The following KBTBD11 variants were observed in gnomAD, a reference collection of about 807,000 sequenced individuals.
The protein encoded by KBTBD11 is kelch repeat and BTB domain containing 11.
For missense variants in KBTBD11, 1,390 were observed against 1,001.8 expected (o/e 1.39, Z -5.23); for synonymous variants, 747 against 499.0 (o/e 1.50, Z -6.63).
intron 1 of KBTBD11, among the ~76,000 whole-genome samples, chr8:1,997,892 C>T (rs552607252): frequency 1.3e-5 from 2 of 152,306 alleles, no homozygotes; most frequent in South Asian, 4.1e-4. Flanking sequence ...TACGATAGGG[C>T]CACCACCTCT....
At chr8:1,983,488 G>C (rs1290108155) in intron 1 of KBTBD11, among the ~76,000 whole-genome samples, 2 of 152,162 alleles carry the variant, frequency 1.3e-5, no homozygotes, top group Non-Finnish European at 2.9e-5. Flanking sequence ...CATCCGTCGG[G>C]TTATCTTGTA....
intron 1 of KBTBD11, among the ~76,000 whole-genome samples, chr8:1,980,685 C>A (rs2129309061): frequency 6.6e-6 from 1 of 152,360 alleles, no homozygotes; most frequent in Non-Finnish European, 1.5e-5. Flanking sequence ...CTTGTCCCTG[C>A]CCTGGAGCCT....
At chr8:1,979,147 G>A (rs944824570) in intron 1 of KBTBD11, among the ~76,000 whole-genome samples, 3 of 152,226 alleles carry the variant, frequency 2.0e-5, no homozygotes, top group African/African-American at 7.2e-5. Flanking sequence ...TGGTGGTGGG[G>A]CAAGTCTGAG....
chr8:2,001,489 C>T lies in KBTBD11; in HGVS notation c.297C>T (p.Cys99=). ...TCGCGTCCCCTGAGGAGCGCGCGTG[C>T]CCGGAAGAGCCCGCGGCGCCGTCCC... ...EELASPEERA[C]PEEPAAPSPE... is the part of the protein sequence containing the mutation. Residue 99 remains cysteine (C), a synonymous_variant, in exon 2 of 2, where the codon TGC becomes TGT. Transcript: ENST00000320248. 1 of 1,383,054 alleles carries T rather than the reference C, an allele frequency of 7.2e-7. No homozygotes were observed. Among genetic ancestry groups the T allele is most frequent in the Non-Finnish European group, 9.3e-7 (1 of 1,075,246 alleles). 85.7% of individuals were successfully genotyped at this position (1,383,054 alleles called of 1,614,324 possible).
chr8:2,001,607 G>C lies in KBTBD11; in HGVS notation c.415G>C (p.Glu139Gln), dbSNP rs1817362531. 1.4e-6 allele frequency: 2 copies of C among 1,476,724 alleles called. No individual in the cohort carries two copies. Among genetic ancestry groups the C allele is most frequent in the Non-Finnish European group, 1.8e-6 (2 of 1,119,344 alleles). The allele number at this position is 1,476,724 out of a possible 1,614,324, so 91.5% of individuals were successfully genotyped here. ...CCCGGGGTTCGGGGCGGTGTACGGG[G>C]AGCCGGACCTGGTGCTGGAGGTGTC... ...VPPGFGAVYGEPDLVLEVSGR... is the reference protein window; with the variant it reads ...VPPGFGAVYGQPDLVLEVSGR... The change falls in exon 2 of 2, where the codon GAG (glutamate) becomes CAG (glutamine). Residue 139 changes from glutamate (E) to glutamine (Q), a missense_variant. By Grantham distance (29) the Glu-to-Gln change is conservative. Transcript: ENST00000320248.
intron 1 of KBTBD11, among the ~76,000 whole-genome samples, chr8:1,987,795 C>A (rs1306962041): frequency 2.6e-5 from 4 of 151,912 alleles, no homozygotes; most frequent in Non-Finnish European, 4.4e-5. Flanking sequence ...AGGTTGGTTA[C>A]ATATATATAC....
chr8:1,985,755 T>G (rs1369828666), intron 1 of KBTBD11, among the ~76,000 whole-genome samples: 2 of 152,236 alleles, frequency 1.3e-5, no homozygotes, highest in Admixed American at 6.5e-5. Flanking sequence ...ATTGCACCCC[T>G]GCAACCCAGC....
rs192705034 is a variant in KBTBD11 at position 2,003,484 on chromosome 8, A to G, written c.*420A>G. On this transcript the variant is annotated 3_prime_UTR_variant, in exon 2 of 2. Transcript: ENST00000320248. ...GCGAACTATCGGGGGAAGCACGCAG[A>G]GAGGGTCACGCCTTTTATTTTTGGC... 384 of 183,078 alleles carry G rather than the reference A, an allele frequency of 2.1e-3. 3 individuals are homozygous for G. The highest frequency in any genetic ancestry group is 8.8e-3 in the African/African-American group (372 of 42,222). 11.3% of individuals were successfully genotyped at this position (183,078 alleles called of 1,614,324 possible). A position where few individuals can be genotyped will look rare whatever the true frequency, so the allele number is the denominator to read the frequency against.
intron 1 of KBTBD11, among the ~76,000 whole-genome samples, chr8:1,980,034 T>G (rs1816487059): frequency 6.6e-6 from 1 of 152,222 alleles, no homozygotes; most frequent in Non-Finnish European, 1.5e-5. Flanking sequence ...GCTGGCAGTA[T>G]TTCATCTGTA....
At chr8:1,992,007 C>G (rs938426901) in intron 1 of KBTBD11, among the ~76,000 whole-genome samples, 1 of 152,098 alleles carries the variant, frequency 6.6e-6, no homozygotes, top group Admixed American at 6.5e-5. Context: ...GGGAGGTCAT[C>G]TACCCAAGGG....
At chr8:1,998,845 C>T (rs984147100) in intron 1 of KBTBD11, among the ~76,000 whole-genome samples, 1 of 152,220 alleles carries the variant, frequency 6.6e-6, no homozygotes, top group Non-Finnish European at 1.5e-5. Context: ...TGCCCTTCAC[C>T]GATGCAGCTT....
chr8:1,982,300 A>T (rs991710760), intron 1 of KBTBD11, among the ~76,000 whole-genome samples: 1 of 152,232 alleles, frequency 6.6e-6, no homozygotes, highest in African/African-American at 2.4e-5. Flanking sequence ...CACAAGAGAA[A>T]GTCTAATCAT....
intron 1 of KBTBD11, among the ~76,000 whole-genome samples, chr8:1,978,010 T>G (rs950702086): frequency 2.6e-5 from 4 of 152,222 alleles, no homozygotes; most frequent in African/African-American, 7.2e-5. Context: ...TTATTTATAT[T>G]TTAAGTTGCA....
At position 2,002,263 on chromosome 8, in the gene KBTBD11, C is replaced by G. The variant is rs919767776; in HGVS notation, c.1071C>G (p.Leu357=). The G allele has an allele frequency of 2.1e-5, 28 of 1,316,750 alleles. No homozygotes were observed. In the Admixed American group the frequency reaches 3.9e-4, roughly 18 times the overall value. The allele number at this position is 1,316,750 out of a possible 1,614,324, so 81.6% of individuals were successfully genotyped here. A position where few individuals can be genotyped will look rare whatever the true frequency, so the allele number is the denominator to read the frequency against. ...APARGCGLCV[L]YNYLFVAGGV... is the part of the protein sequence containing the mutation. Reference sequence around the variant, plus strand: ...CGCGGGGCTGCGGCCTGTGCGTCCTCTACAACTACCTCTTCGTGGCGGGCG... The same window carrying G: ...CGCGGGGCTGCGGCCTGTGCGTCCTGTACAACTACCTCTTCGTGGCGGGCG... Residue 357 remains leucine, a synonymous_variant, in exon 2 of 2, where the codon CTC becomes CTG. Coordinates refer to ENST00000320248, the MANE Select transcript of KBTBD11 (RefSeq NM_014867.3). This position sits in a 1 kb window ranked among gnomAD's most constrained non-coding sequence, Gnocchi z 4.1.
intron 1 of KBTBD11, among the ~76,000 whole-genome samples, chr8:1,979,074 G>T (rs1012637959): frequency 9.9e-5 from 15 of 152,112 alleles, no homozygotes; most frequent in African/African-American, 3.4e-4. Flanking sequence ...GTGCATGTGT[G>T]TGCATGTGTC....
rs74359409 is a variant in KBTBD11, at chr8:2,003,600, C to A, written c.*536C>A. The A allele has an allele frequency of 0.09, 14,984 of 167,050 alleles. 819 individuals are homozygous for A. The highest frequency in any genetic ancestry group is 0.13 in the Non-Finnish European group (8,694 of 68,130). 10.3% of individuals were successfully genotyped at this position (167,050 alleles called of 1,614,324 possible). A position where few individuals can be genotyped will look rare whatever the true frequency, so the allele number is the denominator to read the frequency against. On this transcript the variant is annotated 3_prime_UTR_variant, in exon 2 of 2. Coordinates refer to ENST00000320248, the MANE Select transcript of KBTBD11 (RefSeq NM_014867.3). ...GTGCTCGCTTTGGTTGGCTCAACTC[C>A]AAAAAGAGTAATTTAATAAGCATTA...
chr8:2,006,712 G>A lies in KBTBD11; in HGVS notation c.*3648G>A, dbSNP rs1172361098. The A allele has an allele frequency of 1.2e-5, 2 of 167,108 alleles. No individual in the cohort carries two copies. Among genetic ancestry groups the A allele is most frequent in the East Asian group, 1.9e-4 (1 of 5,196 alleles). 10.4% of individuals were successfully genotyped at this position (167,108 alleles called of 1,614,324 possible). The stretch of plus-strand genomic sequence containing the variant: ...AGACGGGTTCTCATGTGAGATCAAA[G>A]CTCCTCCAAAGCCTGTTCAAGCTCT... On this transcript the variant is annotated 3_prime_UTR_variant, in exon 2 of 2. Coordinates refer to ENST00000320248, the MANE Select transcript of KBTBD11 (RefSeq NM_014867.3).
intron 1 of KBTBD11, among the ~76,000 whole-genome samples, chr8:1,979,836 C>T (rs1816480452): frequency 6.6e-6 from 1 of 152,246 alleles, no homozygotes; most frequent in South Asian, 2.1e-4. Context: ...GCTCGGGCCT[C>T]ATCCCGCGTG....
At position 1,973,820 on chromosome 8, in the gene KBTBD11, G is replaced by T. The variant is rs1036141738; in HGVS notation, c.-1024G>T. The T allele has an allele frequency of 1.0e-5, 10 of 983,124 alleles. No individual in the cohort carries two copies. Among genetic ancestry groups the T allele is most frequent in the Non-Finnish European group, 2.4e-6 (2 of 829,148 alleles). 60.9% of individuals were successfully genotyped at this position (983,124 alleles called of 1,614,324 possible). A position where few individuals can be genotyped will look rare whatever the true frequency, so the allele number is the denominator to read the frequency against. On this transcript the variant is annotated 5_prime_UTR_variant, in exon 1 of 2. Coordinates refer to ENST00000320248, the MANE Select transcript of KBTBD11 (RefSeq NM_014867.3). ...GAGCAGCTCCCGCTCGCAGGTGCTC[G>T]GAGAGGCCGGGCCGCGGCTCCCACA...
Sources: gnomAD v4.1 joint callset for allele counts (sites outside exome capture counted in the v4.1 genomes callset) on GRCh38, gnomAD v4.1.1 for gene constraint, Gnocchi (gnomAD v3.1) non-coding constraint, MANE v1.5 for transcripts, NCBI Gene and HGNC (gene_info 2026-07-23, HGNC 2026-07-21) for gene names.